DACH1: variants seen among roughly 807,000 people sequenced by gnomAD.
DACH1 encodes the protein dachshund family transcription factor 1, also known as dachshund homolog 1.
In DACH1, 12 loss-of-function variants were observed where a neutral mutation model predicts 54.2. The ratio of observed to expected loss-of-function variants is 0.22; its 90% CI spans 0.14 to 0.36. The LOEUF (loss-of-function observed/expected upper bound fraction) is 0.36. Ranked by LOEUF, DACH1 falls within the 10% of genes least tolerant of loss-of-function variation. DACH1 has a pLI of 1.00. For synonymous variants in DACH1, 386 were observed against 366.2 expected (o/e 1.05, Z -0.62); for missense variants, 805 against 929.8 (o/e 0.87, Z 1.75).
At position 71,722,422 on chromosome 13, in the gene DACH1, C is replaced by T. The variant is rs548225602; in HGVS notation, c.849-40512G>A. Among the ~76,000 whole-genome samples, 5 of 152,256 alleles carry T rather than the reference C, an allele frequency of 3.3e-5. No individual in the cohort carries two copies. The South Asian group carries it at 1.0e-3, about 32-fold the overall frequency. On this transcript the variant is annotated intron_variant, in intron 1 of 10. Transcript: ENST00000613252. The stretch of plus-strand genomic sequence containing the variant: ...TGTGAAACTCCCAGTTGCAGCTACT[C>T]ATGACTAAGTCATACCGAACACCAA...
chr13:71,781,668 A>AT (rs1277110807), intron 1 of DACH1, among the ~76,000 whole-genome samples: 2 of 152,116 alleles, frequency 1.3e-5, no homozygotes, highest in Non-Finnish European at 2.9e-5. Context: ...GTGAGCCACC[A>AT]TGCCTGGCCA....
chr13:71,645,084 T>C (rs373235650), intron 2 of DACH1, among the ~76,000 whole-genome samples: 18 of 152,298 alleles, frequency 1.2e-4, no homozygotes, highest in African/African-American at 2.9e-4. Flanking sequence ...GTTGGAATAA[T>C]TGGTTTTCAT....
chr13:71,494,531 A>T (rs1879250340), intron 6 of DACH1, among the ~76,000 whole-genome samples: 1 of 152,260 alleles, frequency 6.6e-6, no homozygotes, highest in East Asian at 1.9e-4. Flanking sequence ...TTGGTAGGTT[A>T]GGTGTACTAA....
chr13:71,544,096 C>CTCTAGAA (rs1393335335), intron 6 of DACH1, among the ~76,000 whole-genome samples: 1 of 152,104 alleles, frequency 6.6e-6, no homozygotes, highest in Non-Finnish European at 1.5e-5. Flanking sequence ...ACATATCTTT[C>CTCTAGAA]TCTAGAATCA....
chr13:71,620,917 CT>C (rs1876187400), intron 3 of DACH1, among the ~76,000 whole-genome samples: 1 of 151,392 alleles, frequency 6.6e-6, no homozygotes, highest in South Asian at 2.1e-4. Context: ...AAACATTTTC[CT>C]GAGAATTCCT....
chr13:71,737,980 G>A (rs1884212583), intron 1 of DACH1, among the ~76,000 whole-genome samples: 1 of 152,176 alleles, frequency 6.6e-6, no homozygotes, highest in African/African-American at 2.4e-5. Flanking sequence ...ATATTTTGGT[G>A]GTGGTGGAAT....
chr13:71,589,057 C>G (rs1417721207), intron 3 of DACH1, among the ~76,000 whole-genome samples: 1 of 151,952 alleles, frequency 6.6e-6, no homozygotes, highest in Non-Finnish European at 1.5e-5. Context: ...AAAAGGAAGG[C>G]TGCCTTCTCT....
At chr13:71,599,159 A>G (rs1874317674) in intron 3 of DACH1, among the ~76,000 whole-genome samples, 1 of 152,190 alleles carries the variant, frequency 6.6e-6, no homozygotes, top group Admixed American at 6.5e-5. Context: ...AAATAAAAAG[A>G]CATTTGAGCA....
At chr13:71,765,309 A>G (rs1440510092) in intron 1 of DACH1, among the ~76,000 whole-genome samples, 1 of 152,106 alleles carries the variant, frequency 6.6e-6, no homozygotes, top group Non-Finnish European at 1.5e-5. Context: ...ACTAAATTCC[A>G]TGGGTTCTAC....
At chr13:71,522,057 AC>A (rs1487019692) in intron 6 of DACH1, among the ~76,000 whole-genome samples, 1 of 152,104 alleles carries the variant, frequency 6.6e-6, no homozygotes, top group African/African-American at 2.4e-5. Flanking sequence ...AAATTGTTCT[AC>A]TCTGTTTGTG....
At chr13:71,819,014 C>T (rs1002226203) in intron 1 of DACH1, among the ~76,000 whole-genome samples, 15 of 152,098 alleles carry the variant, frequency 9.9e-5, no homozygotes, top group African/African-American at 2.9e-4. Flanking sequence ...AGGGAGTATT[C>T]GCTAAAGTAT....
intron 1 of DACH1, among the ~76,000 whole-genome samples, chr13:71,782,015 T>C (rs1439761993): frequency 6.6e-6 from 1 of 152,158 alleles, no homozygotes. Context: ...GGTTGCCCAG[T>C]AAAATATATC....
intron 1 of DACH1, among the ~76,000 whole-genome samples, chr13:71,820,666 T>A (rs1426881865): frequency 6.6e-6 from 1 of 152,132 alleles, no homozygotes; most frequent in Non-Finnish European, 1.5e-5. Flanking sequence ...ATAAAAATAA[T>A]CACAAGAAGA....
chr13:71,746,295 C>T (rs996293574), intron 1 of DACH1, among the ~76,000 whole-genome samples: 6 of 152,032 alleles, frequency 3.9e-5, no homozygotes, highest in Non-Finnish European at 8.8e-5. Context: ...GAAGAGGAAA[C>T]CCATAGATAG....
chr13:71,450,983 G>T (rs1874987622), intron 10 of DACH1, among the ~76,000 whole-genome samples: 1 of 152,012 alleles, frequency 6.6e-6, no homozygotes, highest in Admixed American at 6.6e-5. Context: ...ATCTGTTCAA[G>T]AACTGAATGT....
intron 1 of DACH1, among the ~76,000 whole-genome samples, chr13:71,841,242 G>A (rs1157781303): frequency 2.6e-5 from 4 of 151,786 alleles, no homozygotes; most frequent in East Asian, 3.9e-4. Context: ...AATTTAATAC[G>A]TATATGTGCT....
chr13:71,783,609 G>A (rs1886470526), intron 1 of DACH1, among the ~76,000 whole-genome samples: 1 of 152,026 alleles, frequency 6.6e-6, no homozygotes, highest in African/African-American at 2.4e-5. Flanking sequence ...GCCCCCAAGA[G>A]CATTGCCTTT....
chr13:71,444,678 A>C (rs1874290356), intron 10 of DACH1, among the ~76,000 whole-genome samples: 1 of 152,224 alleles, frequency 6.6e-6, no homozygotes, highest in Admixed American at 6.6e-5. Flanking sequence ...GAGCAAAAAA[A>C]TGGATTTATA....
intron 6 of DACH1, among the ~76,000 whole-genome samples, chr13:71,554,510 C>T (rs1014565739): frequency 6.6e-6 from 1 of 152,072 alleles, no homozygotes; most frequent in Non-Finnish European, 1.5e-5. Flanking sequence ...TATGTATATT[C>T]GTGGTCAGAA....
Sources: gnomAD v4.1 joint callset for allele counts (sites outside exome capture counted in the v4.1 genomes callset) on GRCh38, gnomAD v4.1.1 for gene constraint, MANE v1.5 for transcripts, NCBI Gene and HGNC (gene_info 2026-07-23, HGNC 2026-07-21) for gene names.